DENND4B: variants seen among roughly 807,000 people sequenced by gnomAD.
The protein encoded by DENND4B is DENN domain-containing protein 4B.
Under a neutral mutation model 161.0 loss-of-function variants are expected in DENND4B, and 67 were observed. The ratio of observed to expected loss-of-function variants is 0.42; its 90% confidence interval spans 0.34 to 0.51. The LOEUF is 0.51. DENND4B is among the 20% of genes least tolerant of loss of function. The pLI is 0.08. For missense variants in DENND4B, 1,481 were observed against 1,968.0 expected, an observed-to-expected ratio of 0.75 and a Z score of 4.68; for synonymous variants, 753 against 813.8, an observed-to-expected ratio of 0.93 and a Z score of 1.27.
chr1:153,930,173 C>T lies in DENND4B; in HGVS notation c.*124G>A. 7.6e-7 allele frequency: 1 copy of T among 1,311,410 alleles called. No homozygotes were observed. Among genetic ancestry groups the T allele is most frequent in the South Asian group, 1.5e-5 (1 of 65,578 alleles). 81.2% of individuals were successfully genotyped at this position (1,311,410 alleles called of 1,614,324 possible). ...TCTTCCTGTTGTCCTCGCTTGGAGC[C>T]TTTGACTGGGCATCCTTCCCAGCCT... is the stretch of plus-strand genomic sequence containing the variant. On this transcript the variant is annotated 3_prime_UTR_variant, in exon 28 of 28. Transcript: ENST00000361217. The surrounding 1 kb of genome is among the most constrained non-coding windows in gnomAD (Gnocchi z 4.7).
In DENND4B at chr1:153,936,219, G is replaced by A. The variant is rs1291646781; in HGVS notation, c.2440-31C>T. 1.9e-6 allele frequency: 3 copies of A among 1,586,464 alleles called. No individual in the cohort carries two copies. Among genetic ancestry groups the A allele is most frequent in the East Asian group, 2.3e-5 (1 of 43,432 alleles). On this transcript the variant is annotated intron_variant, in intron 16 of 27. Coordinates refer to ENST00000361217, the MANE Select transcript of DENND4B (RefSeq NM_014856.3). The surrounding 1 kb of genome is among the most constrained non-coding windows in gnomAD (Gnocchi z 4.1). ...CCAGGAGAGGCACAGGACAATGGGA[G>A]ACTCACTCTCAACCAAAACCAAAGT... is the stretch of plus-strand genomic sequence containing the variant.
rs769805372 is a variant in DENND4B at position 153,942,562 on chromosome 1, C to T, written c.634G>A (p.Glu212Lys). The T allele has an allele frequency of 3.1e-6, 5 of 1,595,900 alleles. No homozygotes were observed. Among genetic ancestry groups the T allele is most frequent in the Non-Finnish European group, 4.3e-6 (5 of 1,171,076 alleles). The change falls in exon 4 of 28, where the codon GAG (glutamate) becomes AAG (lysine). Residue 212 changes from glutamate to lysine, a missense_variant. Physicochemically the swap from Glu to Lys is moderately conservative, Grantham distance 56. Transcript: ENST00000361217. This position sits in a 1 kb window ranked among gnomAD's most constrained non-coding sequence, Gnocchi z 6.9. ...GLAKANTLVY[E>K]AELLGRYPEE... is the part of the protein sequence containing the mutation. ...GGATAAAGGGGCCACTCACCTGCCTCGTACACCAGCGTGTTGGCCTTCGCC... is the reference window on the plus strand; with the variant it reads ...GGATAAAGGGGCCACTCACCTGCCTTGTACACCAGCGTGTTGGCCTTCGCC...
At position 153,933,048 on chromosome 1, in the gene DENND4B, C is replaced by G. The variant is rs201848699; in HGVS notation, c.3454-18G>C. On this transcript the variant is annotated intron_variant, in intron 21 of 27. Coordinates refer to ENST00000361217, the MANE Select transcript of DENND4B (RefSeq NM_014856.3). The surrounding 1 kb of genome is among the most constrained non-coding windows in gnomAD (Gnocchi z 5.7). The stretch of plus-strand genomic sequence containing the variant: ...AGCAGAATCTGTGGGCAGGGAGAGT[C>G]GGGAAGTAGGTGCTGTCTGGCCGCC... The G allele has an allele frequency of 6.2e-7, 1 of 1,611,740 alleles. No homozygotes were observed. Among genetic ancestry groups the G allele is most frequent in the Non-Finnish European group, 8.5e-7 (1 of 1,178,392 alleles).
intron 1 of DENND4B, chr1:153,945,238 G>T: frequency 8.4e-7 from 1 of 1,184,824 alleles, no homozygotes; most frequent in Non-Finnish European, 1.1e-6. Context: ...CGCAGCAGGG[G>T]CCCAGAAGCG....
In DENND4B at chr1:153,937,432, C is replaced by A; in HGVS notation, c.2232+56G>T. 1 of 1,464,252 alleles carries A rather than the reference C, an allele frequency of 6.8e-7. No individual in the cohort carries two copies. The highest frequency in any genetic ancestry group is 9.0e-7 in the Non-Finnish European group (1 of 1,105,000). 90.7% of individuals were successfully genotyped at this position (1,464,252 alleles called of 1,614,324 possible). Reference sequence around the variant, plus strand: ...CATTTTGTAGATGAGGAAACTGAAGCAGCAGCAGCCTTCAGCCTGATCCGG... The same window carrying A: ...CATTTTGTAGATGAGGAAACTGAAGAAGCAGCAGCCTTCAGCCTGATCCGG... On this transcript the variant is annotated intron_variant, in intron 15 of 27. Transcript: ENST00000361217. The surrounding 1 kb of genome is among the most constrained non-coding windows in gnomAD (Gnocchi z 4.7).
Position 153,940,135 on chromosome 1 carries a change from C to T in DENND4B, c.1603+21G>A. On this transcript the variant is annotated intron_variant, in intron 11 of 27. Transcript: ENST00000361217. The surrounding 1 kb of genome is among the most constrained non-coding windows in gnomAD (Gnocchi z 5.6). ...AGGGCAATGACAGTTCCCAGCCTCCCTCCCCACCCAGGCTTCTCACTCTGG... is the reference window on the plus strand; with the variant it reads ...AGGGCAATGACAGTTCCCAGCCTCCTTCCCCACCCAGGCTTCTCACTCTGG... The T allele has an allele frequency of 6.5e-7, 1 of 1,540,348 alleles. No homozygotes were observed. The highest frequency in any genetic ancestry group is 1.7e-4 in the Middle Eastern group (1 of 5,744).
Position 153,942,854 on chromosome 1 carries a change from GTGTCAGCTC to G in DENND4B, c.570+15_570+23del, listed in dbSNP as rs750762208. On this transcript the variant is annotated intron_variant, in intron 3 of 27. Coordinates refer to ENST00000361217, the MANE Select transcript of DENND4B (RefSeq NM_014856.3). This position sits in a 1 kb window ranked among gnomAD's most constrained non-coding sequence, Gnocchi z 6.9. The stretch of plus-strand genomic sequence containing the variant: ...CCCACTCTTACACCAAGAGGACCAG[GTGTCAGCTC>G]TTGGCCCCACTCACCATGCCAGGGT... The G allele has an allele frequency of 3.2e-6, 5 of 1,578,530 alleles. No individual in the cohort carries two copies. In the African/African-American group the frequency reaches 6.7e-5, roughly 21 times the overall value.
chr1:153,932,222 A>AT lies in DENND4B; in HGVS notation c.3977dup (p.Asp1326GlufsTer16). ...CACTGACCTGGGAGTGCGAAGGCCC[A>AT]TCACAGGAGGCCAGCACCAGGCCTG... is the stretch of plus-strand genomic sequence containing the variant. On this transcript the variant is annotated frameshift_variant, in exon 24 of 28. Transcript: ENST00000361217. LOFTEE classifies it high-confidence loss of function. This position sits in a 1 kb window ranked among gnomAD's most constrained non-coding sequence, Gnocchi z 5.8. The AT allele has an allele frequency of 6.2e-7, 1 of 1,613,924 alleles. No individual in the cohort carries two copies. The highest frequency in any genetic ancestry group is 8.5e-7 in the Non-Finnish European group (1 of 1,179,858).
At chr1:153,943,170 G>A (rs1571058869) in intron 2 of DENND4B, 40 bp from the exon 3 acceptor site, 3 of 1,579,612 alleles carry the variant, frequency 1.9e-6, no homozygotes, top group South Asian at 1.1e-5. Context: ...AGAGGTCAGG[G>A]TAGAGGACAA....
chr1:153,935,200 T>A (rs759643200), intron 17 of DENND4B: 51 of 625,742 alleles, frequency 8.2e-5, no homozygotes, highest in Non-Finnish European at 1.3e-4. Context: ...ACCCAGACCT[T>A]GCTGCTTAGA....
intron 17 of DENND4B, 69 bp from the exon 18 acceptor site, chr1:153,935,033 G>A: frequency 1.3e-6 from 2 of 1,578,386 alleles, no homozygotes; most frequent in South Asian, 1.1e-5. Flanking sequence ...CCCACTCCCT[G>A]TCTTGGAGCC....
In DENND4B at chr1:153,939,005, G is replaced by A. The variant is rs757570843; in HGVS notation, c.1860C>T (p.Tyr620=). 3.1e-6 allele frequency: 5 copies of A among 1,612,456 alleles called. No homozygotes were observed. Among genetic ancestry groups the A allele is most frequent in the Middle Eastern group, 1.6e-4 (1 of 6,082 alleles). Residue 620 remains tyrosine (Y), a synonymous_variant, in exon 13 of 28, where the codon TAC becomes TAT. Coordinates refer to ENST00000361217, the MANE Select transcript of DENND4B (RefSeq NM_014856.3). ...ACATCTGTGTGTGCAGCAGCTGAGA[G>A]TAAAGTTTGTGGCTGGAGCGTTCCC... ...KSRERSSHKL[Y]SQLLHTQMFS... is the part of the protein sequence containing the mutation.
At position 153,934,870 on chromosome 1, in the gene DENND4B, C is replaced by T. The variant is rs763617335; in HGVS notation, c.2663G>A (p.Arg888His). 42 of 1,613,450 alleles carry T rather than the reference C, an allele frequency of 2.6e-5. No homozygotes were observed. The highest frequency in any genetic ancestry group is 2.2e-5 in the East Asian group (1 of 44,896). Residue 888 changes from arginine to histidine, a missense_variant, in exon 18 of 28, where the codon CGC (arginine) becomes CAC (histidine). Arg to His is a conservative substitution (Grantham distance 29). Around this residue, in one of 3 missense-constraint regions of DENND4B, gnomAD observed 339 missense variants for 330.3 expected, o/e 1.03. Transcript: ENST00000361217. This position sits in a 1 kb window ranked among gnomAD's most constrained non-coding sequence, Gnocchi z 5.3. Reference protein sequence around the residue: ...RNVVLGAAQFRQPLRERQQQQ... With the variant: ...RNVVLGAAQFHQPLRERQQQQ... ...CTGTTGCCGTTCTCTCAAGGGCTGG[C>T]GGAACTGAGCAGCCCCCAGGACAAC...
chr1:153,942,428 G>A lies in DENND4B; in HGVS notation c.641-72C>T. ...TCAGACTCCAAGGGAAATGAACCAA[G>A]GGATCCCAGAGAAGGCCCGAGTAGC... On this transcript the variant is annotated intron_variant, in intron 4 of 27. Coordinates refer to ENST00000361217, the MANE Select transcript of DENND4B (RefSeq NM_014856.3). This position sits in a 1 kb window ranked among gnomAD's most constrained non-coding sequence, Gnocchi z 6.9. 6.3e-7 allele frequency: 1 copy of A among 1,580,492 alleles called. No individual in the cohort carries two copies. Among genetic ancestry groups the A allele is most frequent in the Non-Finnish European group, 8.6e-7 (1 of 1,163,016 alleles).
chr1:153,946,234 G>A lies in DENND4B; in HGVS notation c.-24+67C>T, dbSNP rs923532016. ...GCAGCTGGGGGCCATCCCCCACCCC[G>A]CCTGCCGCCCGCGCTCCCTCCTGCC... On this transcript the variant is annotated intron_variant, in intron 1 of 27. Coordinates refer to ENST00000361217, the MANE Select transcript of DENND4B (RefSeq NM_014856.3). The surrounding 1 kb of genome is among the most constrained non-coding windows in gnomAD (Gnocchi z 6.3). 6.1e-5 allele frequency: 20 copies of A among 326,892 alleles called. No individual in the cohort carries two copies. Among genetic ancestry groups the A allele is most frequent in the East Asian group, 2.4e-4 (5 of 20,888 alleles). The allele number at this position is 326,892 out of a possible 1,614,324, so 20.2% of individuals were successfully genotyped here. A position where few individuals can be genotyped will look rare whatever the true frequency, so the allele number is the denominator to read the frequency against.
Position 153,941,296 on chromosome 1 carries a change from G to T in DENND4B, c.1123-7C>A. 24 of 1,613,864 alleles carry T rather than the reference G, an allele frequency of 1.5e-5. No homozygotes were observed. Among genetic ancestry groups the T allele is most frequent in the Non-Finnish European group, 2.0e-5 (24 of 1,179,826 alleles). Reference sequence around the variant, plus strand: ...AGTTGTCATAGGGAGACATCTGGAAGGGAAGAAGAGCCACGGCTCAGGGTA... The same window carrying T: ...AGTTGTCATAGGGAGACATCTGGAATGGAAGAAGAGCCACGGCTCAGGGTA... On this transcript the variant is annotated splice_polypyrimidine_tract_variant and splice_region_variant and intron_variant, in intron 7 of 27. Coordinates refer to ENST00000361217, the MANE Select transcript of DENND4B (RefSeq NM_014856.3).
Position 153,940,891 on chromosome 1 carries a change from G to C in DENND4B, c.1326+13C>G. 1 of 1,555,068 alleles carries C rather than the reference G, an allele frequency of 6.4e-7. No individual in the cohort carries two copies. Among genetic ancestry groups the C allele is most frequent in the Non-Finnish European group, 8.7e-7 (1 of 1,154,230 alleles). On this transcript the variant is annotated intron_variant, in intron 9 of 27. Coordinates refer to ENST00000361217, the MANE Select transcript of DENND4B (RefSeq NM_014856.3). The surrounding 1 kb of genome is among the most constrained non-coding windows in gnomAD (Gnocchi z 5.6). ...GGTTCTGGGGAAGATGGGCCAGGCG[G>C]GGCGGCACTCACCGAGACGAGGGCC...
At position 153,936,836 on chromosome 1, in the gene DENND4B, C is replaced by T. The variant is rs936827655; in HGVS notation, c.2233-88G>A. 10 of 1,313,536 alleles carry T rather than the reference C, an allele frequency of 7.6e-6. No homozygotes were observed. In the African/African-American group the frequency reaches 1.3e-4, roughly 18 times the overall value. 81.4% of individuals were successfully genotyped at this position (1,313,536 alleles called of 1,614,324 possible). Reference sequence around the variant, plus strand: ...TATTTATTTATTTATGACGGTCTCGCTCTGTCACCCAGGCTGGAGTGCAGT... The same window carrying T: ...TATTTATTTATTTATGACGGTCTCGTTCTGTCACCCAGGCTGGAGTGCAGT... On this transcript the variant is annotated intron_variant, in intron 15 of 27. Transcript: ENST00000361217. This position sits in a 1 kb window ranked among gnomAD's most constrained non-coding sequence, Gnocchi z 4.1.
In DENND4B at chr1:153,930,067, C is replaced by A; in HGVS notation, c.*230G>T. On this transcript the variant is annotated 3_prime_UTR_variant, in exon 28 of 28. Coordinates refer to ENST00000361217, the MANE Select transcript of DENND4B (RefSeq NM_014856.3). This position sits in a 1 kb window ranked among gnomAD's most constrained non-coding sequence, Gnocchi z 4.7. ...AGAACAGAGCTGTACCAACTCCCCC[C>A]AGATCTCCCCCAACATCAGCACGAA... The A allele has an allele frequency of 1.7e-6, 1 of 603,140 alleles. No individual in the cohort carries two copies. Among genetic ancestry groups the A allele is most frequent in the Non-Finnish European group, 2.9e-6 (1 of 348,158 alleles). The allele number at this position is 603,140 out of a possible 1,614,324, so 37.4% of individuals were successfully genotyped here.
Sources: allele counts gnomAD v4.1 joint callset, GRCh38; gene constraint gnomAD v4.1.1; regional missense constraint gnomAD v4.1.1; non-coding constraint Gnocchi (gnomAD v3.1); transcripts MANE v1.5; gene names NCBI Gene and HGNC (gene_info 2026-07-23, HGNC 2026-07-21).